MAF: variants seen among roughly 807,000 people sequenced by gnomAD.
MAF encodes the protein MAF bZIP transcription factor.
In MAF, 10 loss-of-function variants were observed where a neutral mutation model predicts 22.0. The ratio of observed to expected loss-of-function variants is 0.45; its 90% confidence interval spans 0.28 to 0.77. MAF has a LOEUF of 0.77. Among genes scored for constraint, MAF ranks in the 30% least tolerant of loss-of-function variants. The pLI is 0.12. For synonymous variants in MAF, 337 were observed against 255.8 expected (o/e 1.32, Z -3.03); for missense variants, 544 against 548.4 (o/e 0.99, Z 0.08).
At chr16:79,346,675 CAT>C in the MAF span, among the ~76,000 whole-genome samples, 1 of 152,132 alleles carries the variant, frequency 6.6e-6, no homozygotes, top group African/African-American at 2.4e-5. Context: ...CCAGGGAATC[CAT>C]ATGTCTTCTA....
chr16:79,377,008 G>C, the MAF span, among the ~76,000 whole-genome samples: 4 of 152,174 alleles, frequency 2.6e-5, no homozygotes, highest in African/African-American at 9.7e-5. Context: ...CTTTATAGCA[G>C]CATGTTTTAT....
At chr16:79,295,858 A>T in the MAF span, among the ~76,000 whole-genome samples, 13 of 152,332 alleles carry the variant, frequency 8.5e-5, no homozygotes, top group South Asian at 2.7e-3. Context: ...CACAGATGAG[A>T]AACTGAAGCC....
chr16:79,265,769 C>G, the MAF span, among the ~76,000 whole-genome samples: 1 of 152,184 alleles, frequency 6.6e-6, no homozygotes, highest in East Asian at 1.9e-4. Flanking sequence ...CTAAAGGAAG[C>G]ACTTTACAGC....
chr16:79,467,209 C>T, the MAF span, among the ~76,000 whole-genome samples: 1 of 152,100 alleles, frequency 6.6e-6, no homozygotes, highest in Non-Finnish European at 1.5e-5. Context: ...CCTTCAAATT[C>T]CAGCTCAATT....
chr16:79,508,393 C>T, the MAF span, among the ~76,000 whole-genome samples: 1 of 152,168 alleles, frequency 6.6e-6, no homozygotes, highest in Non-Finnish European at 1.5e-5. Flanking sequence ...CACTGAACTG[C>T]TTTCTCCATG....
At chr16:79,287,096 G>T in the MAF span, among the ~76,000 whole-genome samples, 2 of 149,242 alleles carry the variant, frequency 1.3e-5, no homozygotes, top group Non-Finnish European at 3.0e-5. Context: ...CAGCTTTGTT[G>T]TCCTCCACGT....
chr16:79,553,792 A>G, the MAF span, among the ~76,000 whole-genome samples: 10,809 of 152,200 alleles, frequency 0.071, 541 homozygotes, highest in Middle Eastern at 0.16. Flanking sequence ...ATCACTACTT[A>G]AAAATAACCA....
chr16:79,333,736 G>A, the MAF span, among the ~76,000 whole-genome samples: 5 of 152,264 alleles, frequency 3.3e-5, no homozygotes, highest in East Asian at 9.7e-4. Context: ...TCTGATGCCA[G>A]ATCCCAACAC....
chr16:79,310,652 T>A, the MAF span, among the ~76,000 whole-genome samples: 1 of 152,212 alleles, frequency 6.6e-6, no homozygotes, highest in Non-Finnish European at 1.5e-5. Context: ...GGTCACGAAC[T>A]GAGATCCCTT....
the MAF span, among the ~76,000 whole-genome samples, chr16:79,319,183 G>T: frequency 2.0e-5 from 3 of 152,172 alleles, no homozygotes; most frequent in African/African-American, 7.2e-5. Flanking sequence ...CTACTTTGGG[G>T]AGGTGGGGGG....
chr16:79,437,852 A>T, the MAF span, among the ~76,000 whole-genome samples: 1 of 152,114 alleles, frequency 6.6e-6, no homozygotes, highest in East Asian at 1.9e-4. Context: ...GGGGGTTCCC[A>T]CATGCTGAGA....
At chr16:79,598,581 G>GGTGTGTGTGTGTGTGTGT in intron 1 of MAF, 2 of 1,409,632 alleles carry the variant, frequency 1.4e-6, no homozygotes, top group African/African-American at 1.5e-5. Flanking sequence ...CAGGGTGTGG[G>GGTGTGTGTGTGTGTGTGT]GTGTGTGTGT....
downstream of MAF, among the ~76,000 whole-genome samples, chr16:79,589,685 C>T (rs1913069918): frequency 1.3e-5 from 2 of 152,174 alleles, no homozygotes; most frequent in Admixed American, 1.3e-4. Context: ...CCCGCCCACC[C>T]AGGAGAGCGG....
At chr16:79,329,322 A>G in the MAF span, among the ~76,000 whole-genome samples, 2 of 152,230 alleles carry the variant, frequency 1.3e-5, no homozygotes, top group Middle Eastern at 6.8e-3. Flanking sequence ...GACCGACTAA[A>G]CTGGAATTTG....
chr16:79,267,618 G>A, the MAF span, among the ~76,000 whole-genome samples: 12 of 152,286 alleles, frequency 7.9e-5, no homozygotes, highest in East Asian at 5.8e-4. Context: ...GGGATGCACC[G>A]GGTAGTATGA....
At chr16:79,535,203 T>C in the MAF span, among the ~76,000 whole-genome samples, 3 of 152,158 alleles carry the variant, frequency 2.0e-5, no homozygotes, top group Admixed American at 6.5e-5. Flanking sequence ...TGAATTTCTA[T>C]TGCAAGTCCC....
chr16:79,238,343 G>A, the MAF span, among the ~76,000 whole-genome samples: 453 of 152,190 alleles, frequency 3.0e-3, 10 homozygotes, highest in Admixed American at 0.023. Context: ...GGTACCCACT[G>A]TCCTTCATTT....
At chr16:79,398,955 T>C in the MAF span, among the ~76,000 whole-genome samples, 2 of 152,198 alleles carry the variant, frequency 1.3e-5, no homozygotes, top group African/African-American at 4.8e-5. Flanking sequence ...GCCTGCAGTG[T>C]TGTCCATCTC....
At chr16:79,207,428 C>A in the MAF span, among the ~76,000 whole-genome samples, 8 of 152,340 alleles carry the variant, frequency 5.3e-5, no homozygotes, top group African/African-American at 1.9e-4. Flanking sequence ...GGCTGTTCTC[C>A]TTCCCTGCTC....
Sources: gnomAD v4.1 joint callset for allele counts (sites outside exome capture counted in the v4.1 genomes callset) on GRCh38, gnomAD v4.1.1 for gene constraint, MANE v1.5 for transcripts, NCBI Gene and HGNC (gene_info 2026-07-23, HGNC 2026-07-21) for gene names.